Variants in CHRNB3 observed in about 807,000 individuals in gnomAD.
CHRNB3 encodes neuronal acetylcholine receptor subunit beta-3.
In CHRNB3, 37 loss-of-function variants were observed where a neutral mutation model predicts 40.6. The ratio of observed to expected loss-of-function variants is 0.91; its 90% CI spans 0.70 to 1.20. The LOEUF is 1.20. Ranked by LOEUF, CHRNB3 falls within the 50% of genes most tolerant of loss-of-function variation. The pLI is 0.00. For synonymous variants in CHRNB3, 207 were observed against 207.1 expected (o/e 1.00, Z 0.00); for missense variants, 505 against 551.2 (o/e 0.92, Z 0.84).
intron 1 of CHRNB3, among the ~76,000 whole-genome samples, chr8:42,707,318 A>G (rs1057074710): frequency 1.3e-5 from 2 of 152,206 alleles, no homozygotes; most frequent in African/African-American, 4.8e-5. Flanking sequence ...TGAGTGGGCA[A>G]ACCTGGAGGG....
chr8:42,703,486 C>T (rs1162780162), intron 1 of CHRNB3, among the ~76,000 whole-genome samples: 3 of 132,852 alleles, frequency 2.3e-5, no homozygotes, highest in African/African-American at 7.6e-5. Flanking sequence ...GGACACTCAT[C>T]TTCTGAGAAA....
chr8:42,734,425 T>A (rs1197093386), intron 5 of CHRNB3, among the ~76,000 whole-genome samples: 1 of 150,526 alleles, frequency 6.6e-6, no homozygotes, highest in East Asian at 2.0e-4. Context: ...AAAGAATTTT[T>A]TTTTTTTTTT....
chr8:42,727,636 T>C (rs530807538), intron 3 of CHRNB3, among the ~76,000 whole-genome samples: 12 of 152,150 alleles, frequency 7.9e-5, no homozygotes, highest in African/African-American at 2.9e-4. Context: ...AAGTCGAGGC[T>C]GGTGGGCCAC....
At chr8:42,734,991 C>T (rs989440370) in intron 5 of CHRNB3, among the ~76,000 whole-genome samples, 2 of 151,840 alleles carry the variant, frequency 1.3e-5, no homozygotes, top group Non-Finnish European at 1.5e-5. Flanking sequence ...GAGGCCGAGG[C>T]GGGCGGATCA....
chr8:42,729,174 G>A (rs1019419961), intron 3 of CHRNB3, among the ~76,000 whole-genome samples: 8 of 152,036 alleles, frequency 5.3e-5, no homozygotes, highest in African/African-American at 1.7e-4. Context: ...TTGGGAGGCC[G>A]AGGCGGGCAG....
chr8:42,713,095 C>A (rs1255904419), intron 3 of CHRNB3, among the ~76,000 whole-genome samples: 2 of 151,956 alleles, frequency 1.3e-5, no homozygotes, highest in African/African-American at 2.4e-5. Context: ...CTCCTGATGT[C>A]AGCCCAAAGT....
At chr8:42,719,749 A>T (rs1271571418) in intron 3 of CHRNB3, among the ~76,000 whole-genome samples, 1 of 152,140 alleles carries the variant, frequency 6.6e-6, no homozygotes, top group Non-Finnish European at 1.5e-5. Flanking sequence ...GGTTGTGAAG[A>T]ATGCTCTCTC....
intron 3 of CHRNB3, among the ~76,000 whole-genome samples, chr8:42,723,663 A>C (rs1184742476): frequency 6.6e-6 from 1 of 152,156 alleles, no homozygotes; most frequent in African/African-American, 2.4e-5. Context: ...TAGTGGCTGC[A>C]TGGATGACCC....
chr8:42,722,650 C>A (rs774877389), intron 3 of CHRNB3, among the ~76,000 whole-genome samples: 30 of 152,172 alleles, frequency 2.0e-4, no homozygotes, highest in Non-Finnish European at 4.3e-4. Context: ...CAGCCTTGAA[C>A]ACCCAGGCTC....
chr8:42,735,933 G>A (rs1456099722), intron 5 of CHRNB3, among the ~76,000 whole-genome samples: 1 of 152,090 alleles, frequency 6.6e-6, no homozygotes, highest in Admixed American at 6.6e-5. Flanking sequence ...AGATATACTG[G>A]CTTCCTAAGA....
intron 3 of CHRNB3, among the ~76,000 whole-genome samples, chr8:42,722,886 TGGC>T (rs1211063779): frequency 1.3e-5 from 2 of 152,122 alleles, no homozygotes; most frequent in East Asian, 3.9e-4. Flanking sequence ...GGGGGAGGGA[TGGC>T]TTTAACAGAT....
intron 3 of CHRNB3, among the ~76,000 whole-genome samples, chr8:42,718,149 G>T (rs62518186): frequency 1.3e-5 from 2 of 151,818 alleles, no homozygotes; most frequent in Admixed American, 6.6e-5. Flanking sequence ...AATAACAAAT[G>T]ACATTTCTTG....
At chr8:42,733,592 C>CTT (rs1208342996) in intron 5 of CHRNB3, among the ~76,000 whole-genome samples, 125 of 101,042 alleles carry the variant, frequency 1.2e-3, no homozygotes, top group African/African-American at 1.4e-3. Context: ...CATCCTTCTT[C>CTT]TTTTTTTTTT....
rs568377782 is a variant in CHRNB3, at chr8:42,731,521, C to G, written c.360-146C>G. On this transcript the variant is annotated intron_variant, in intron 4 of 5. Coordinates refer to ENST00000289957, the MANE Select transcript of CHRNB3 (RefSeq NM_000749.5). ...AGTGAGCCGAGATGGCGCCACCGCACTCCAGCCCGGGCGATAGAGTGAGAC... is the reference window on the plus strand; with the variant it reads ...AGTGAGCCGAGATGGCGCCACCGCAGTCCAGCCCGGGCGATAGAGTGAGAC... 2.2e-5 allele frequency: 20 copies of G among 928,186 alleles called. No homozygotes were observed. In the African/African-American group the frequency reaches 3.3e-4, roughly 15 times the overall value. The allele number at this position is 928,186 out of a possible 1,614,324, so 57.5% of individuals were successfully genotyped here.
intron 1 of CHRNB3, among the ~76,000 whole-genome samples, chr8:42,700,579 C>T (rs1563605250): frequency 6.6e-6 from 1 of 152,202 alleles, no homozygotes; most frequent in East Asian, 1.9e-4. Flanking sequence ...TCCGGCCTCC[C>T]AAAGTGCTGG....
At chr8:42,725,715 C>G in intron 3 of CHRNB3, 1 of 930,846 alleles carries the variant, frequency 1.1e-6, no homozygotes, top group South Asian at 1.3e-5. Flanking sequence ...GCTCCTCAAT[C>G]ACTGTGTTGT....
chr8:42,703,238 A>G (rs1432915087), intron 1 of CHRNB3, among the ~76,000 whole-genome samples: 1 of 151,530 alleles, frequency 6.6e-6, no homozygotes, highest in Non-Finnish European at 1.5e-5. Flanking sequence ...AGCCTGACCA[A>G]TGTAGCGAAA....
intron 3 of CHRNB3, among the ~76,000 whole-genome samples, chr8:42,722,318 TC>T (rs2128907441): frequency 6.6e-6 from 1 of 151,084 alleles, no homozygotes; most frequent in South Asian, 2.1e-4. Context: ...TGAGCAGAGA[TC>T]GCGCCACTGC....
At chr8:42,717,133 G>A (rs1262278588) in intron 3 of CHRNB3, among the ~76,000 whole-genome samples, 2 of 134,718 alleles carry the variant, frequency 1.5e-5, no homozygotes, top group Non-Finnish European at 3.2e-5. Flanking sequence ...CAGCACTTTG[G>A]GAGGCCGAGG....
Sources: allele counts gnomAD v4.1 joint callset (sites outside exome capture counted in the v4.1 genomes callset), GRCh38; gene constraint gnomAD v4.1.1; transcripts MANE v1.5; gene names NCBI Gene and HGNC (gene_info 2026-07-23, HGNC 2026-07-21).